POLR1C: variants seen among roughly 807,000 people sequenced by gnomAD.
POLR1C encodes RNA polymerase I and III subunit C, also known as DNA-directed RNA polymerases I and III subunit RPAC1.
POLR1C carries 42 observed loss-of-function variants against 38.3 expected under a neutral mutation model. The ratio of observed to expected loss-of-function variants is 1.10; its 90% CI spans 0.86 to 1.42. The LOEUF is 1.42. POLR1C is among the 40% of genes most tolerant of loss of function. The pLI, the probability that POLR1C is intolerant of heterozygous loss-of-function variation, is 0.00. For synonymous variants in POLR1C, 163 were observed against 163.9 expected (o/e 0.99, Z 0.04); for missense variants, 507 against 450.5 (o/e 1.13, Z -1.14).
At chr6:43,522,561 C>T (rs1793255754), downstream of POLR1C, 2 of 276,502 alleles carry the variant, frequency 7.2e-6, no homozygotes, top group East Asian at 1.1e-4. Flanking sequence ...TCACGATCCA[C>T]AGAAACCCAG....
intron 9 of POLR1C, among the ~76,000 whole-genome samples, chr6:43,536,848 G>A (rs1794363085): frequency 6.6e-6 from 1 of 150,720 alleles, no homozygotes; most frequent in Non-Finnish European, 1.5e-5. Flanking sequence ...TGTGGTGGCT[G>A]GTAGGAATCT....
chr6:43,520,564 A>G (rs1359997338), intron 6 of POLR1C, 61 bp from the exon 7 acceptor site: 1 of 1,604,006 alleles, frequency 6.2e-7, no homozygotes, highest in Non-Finnish European at 8.5e-7. Flanking sequence ...GTAGCTTAGG[A>G]GGAGTATTCT....
chr6:43,555,455 C>T (rs918648572), intron 10 of POLR1C: 14 of 159,894 alleles, frequency 8.8e-5, no homozygotes, highest in Non-Finnish European at 1.2e-4. Context: ...GAGATCCTTT[C>T]TGATTTCAGG....
chr6:43,539,501 C>T (rs561083870), intron 9 of POLR1C: 688 of 1,567,832 alleles, frequency 4.4e-4, no homozygotes, highest in Non-Finnish European at 5.6e-4. Flanking sequence ...CTTGACCAAG[C>T]GGCCCAGCTT....
chr6:43,553,643 T>C lies in POLR1C; in HGVS notation c.*48+2632T>C. Reference sequence around the variant, plus strand: ...TCATGATTGAAGGAGCAGGGTAATCTAACCCCTCTCAGCTGGGGCAAAGAA... The same window carrying C: ...TCATGATTGAAGGAGCAGGGTAATCCAACCCCTCTCAGCTGGGGCAAAGAA... On this transcript the variant is annotated intron_variant, in intron 10 of 10. Transcript: ENST00000607635. 3 of 1,412,874 alleles carry C rather than the reference T, an allele frequency of 2.1e-6. No individual in the cohort carries two copies. The South Asian group carries it at 4.8e-5, about 22-fold the overall frequency. 87.5% of individuals were successfully genotyped at this position (1,412,874 alleles called of 1,614,324 possible).
chr6:43,524,978 C>G (rs887811366), downstream of POLR1C: 4 of 1,612,140 alleles, frequency 2.5e-6, no homozygotes, highest in Non-Finnish European at 3.4e-6. Flanking sequence ...CCTGGGGAGA[C>G]AACTGTGCTT....
At position 43,553,445 on chromosome 6, in the gene POLR1C, G is replaced by A. The variant is rs772506045; in HGVS notation, c.*48+2434G>A. ...AAAGAGTCATGGCTTCCCACTGCAC[G>A]AATGAAGGTGAGAAGACGGAACAGA... On this transcript the variant is annotated intron_variant, in intron 10 of 10. Transcript: ENST00000607635. 9 of 1,592,938 alleles carry A rather than the reference G, an allele frequency of 5.6e-6. No individual in the cohort carries two copies. Among genetic ancestry groups the A allele is most frequent in the South Asian group, 3.4e-5 (3 of 87,500 alleles).
downstream of POLR1C, among the ~76,000 whole-genome samples, chr6:43,533,145 CAA>C (rs112187126): frequency 6.9e-6 from 1 of 145,898 alleles, no homozygotes; most frequent in Non-Finnish European, 1.5e-5. Context: ...GAAAACAAAA[CAA>C]AACAAAAAAG....
chr6:43,529,757 A>AAAT (rs1385699099), downstream of POLR1C, among the ~76,000 whole-genome samples: 1 of 151,264 alleles, frequency 6.6e-6, no homozygotes, highest in Non-Finnish European at 1.5e-5. Flanking sequence ...CCATCTCTAC[A>AAAT]AATAATAATA....
chr6:43,544,195 C>T, intron 9 of POLR1C: 1 of 164,186 alleles, frequency 6.1e-6, no homozygotes, highest in Admixed American at 6.0e-5. Flanking sequence ...CTGCTGTTAG[C>T]CTCCTAAATG....
intron 9 of POLR1C, chr6:43,546,665 C>T (rs375413374): frequency 5.0e-6 from 8 of 1,613,720 alleles, no homozygotes; most frequent in Non-Finnish European, 5.9e-6. Flanking sequence ...TAACCCACCA[C>T]AAATCCCCCA....
intron 9 of POLR1C, among the ~76,000 whole-genome samples, chr6:43,543,589 C>G (rs1794810302): frequency 6.6e-6 from 1 of 151,512 alleles, no homozygotes; most frequent in Non-Finnish European, 1.5e-5. Flanking sequence ...TGAATGTGTC[C>G]ACTTTGTGAA....
Sources: allele counts gnomAD v4.1 joint callset (sites outside exome capture counted in the v4.1 genomes callset), GRCh38; gene constraint gnomAD v4.1.1; transcripts MANE v1.5; gene names NCBI Gene and HGNC (gene_info 2026-07-23, HGNC 2026-07-21).